Variants in BBX observed in about 807,000 individuals in gnomAD.
BBX encodes BBX high mobility group box domain containing.
Under a neutral mutation model 100.2 loss-of-function variants are expected in BBX, and 30 were observed. The observed-to-expected ratio is 0.30, with a 90% CI of 0.22 to 0.41. The LOEUF (loss-of-function observed/expected upper bound fraction) is 0.41. BBX is among the 10% of genes least tolerant of loss of function. BBX has a pLI of 1.00. For synonymous variants in BBX, 376 were observed against 388.1 expected (o/e 0.97, Z 0.37); for missense variants, 1,023 against 1,129.8 (o/e 0.91, Z 1.35).
chr3:107,695,767 T>G (rs377503486), intron 3 of BBX, among the ~76,000 whole-genome samples: 1 of 151,148 alleles, frequency 6.6e-6, no homozygotes, highest in Non-Finnish European at 1.5e-5. Flanking sequence ...CTTTCTGTCT[T>G]GTTGATCTGT....
intron 3 of BBX, among the ~76,000 whole-genome samples, chr3:107,686,675 G>C (rs2059867623): frequency 1.3e-5 from 2 of 152,136 alleles, no homozygotes; most frequent in East Asian, 3.9e-4. Flanking sequence ...CAGTGTTCCA[G>C]GTAGTTCTTC....
At chr3:107,750,659 T>A (rs1468934371) in intron 9 of BBX, among the ~76,000 whole-genome samples, 1 of 152,224 alleles carries the variant, frequency 6.6e-6, no homozygotes, top group Non-Finnish European at 1.5e-5. Context: ...TCTTACAATC[T>A]GACCATATTG....
intron 3 of BBX, among the ~76,000 whole-genome samples, chr3:107,668,564 T>TAAGAA (rs1172943738): frequency 2.0e-5 from 3 of 152,200 alleles, no homozygotes; most frequent in Non-Finnish European, 4.4e-5. Context: ...ACTCTGGACC[T>TAAGAA]AAGAAAGTTC....
intron 2 of BBX, among the ~76,000 whole-genome samples, chr3:107,619,521 A>G (rs1025422221): frequency 4.6e-5 from 7 of 151,862 alleles, no homozygotes; most frequent in African/African-American, 9.7e-5. Context: ...ATATTTACCC[A>G]TATTTTTGTT....
intron 10 of BBX, among the ~76,000 whole-genome samples, chr3:107,759,646 C>T (rs1021136673): frequency 2.6e-5 from 4 of 152,104 alleles, no homozygotes; most frequent in Non-Finnish European, 4.4e-5. Flanking sequence ...TTCATTTATT[C>T]TCACAGTAGT....
chr3:107,768,099 G>A lies in BBX; in HGVS notation c.907-4529G>A, dbSNP rs369108380. Among the ~76,000 whole-genome samples the A allele has an allele frequency of 7.2e-5, 11 of 152,232 alleles. No individual in the cohort carries two copies. In the East Asian group the frequency reaches 9.6e-4, roughly 13 times the overall value. On this transcript the variant is annotated intron_variant, in intron 10 of 17. Coordinates refer to ENST00000325805, the MANE Select transcript of BBX (RefSeq NM_001142568.3). ...TTCTGCTGTCACTAACCCCTGTGTT[G>A]CGTCACCGCCTCCTGTTTGGGTGTC...
At chr3:107,601,866 G>A (rs372568550) in intron 2 of BBX, among the ~76,000 whole-genome samples, 20 of 152,334 alleles carry the variant, frequency 1.3e-4, no homozygotes, top group African/African-American at 4.6e-4. Flanking sequence ...GATTTTCACA[G>A]CTAGAGAGAA....
chr3:107,569,708 T>C (rs901378907), intron 2 of BBX, among the ~76,000 whole-genome samples: 1 of 152,212 alleles, frequency 6.6e-6, no homozygotes, highest in Non-Finnish European at 1.5e-5. Flanking sequence ...TTTAAGAGGT[T>C]TAGAAGCCTG....
chr3:107,659,731 T>G lies in BBX; in HGVS notation c.-10+13822T>G, dbSNP rs774616014. 1.0e-5 allele frequency: 13 copies of G among 1,284,094 alleles called. No individual in the cohort carries two copies. The South Asian group carries it at 1.6e-4, about 16-fold the overall frequency. 79.5% of individuals were successfully genotyped at this position (1,284,094 alleles called of 1,614,324 possible). On this transcript the variant is annotated intron_variant, in intron 3 of 17. Coordinates refer to ENST00000325805, the MANE Select transcript of BBX (RefSeq NM_001142568.3). ...ATTATCCTCACATGTTTGGGTATCC[T>G]TTTACATTCATGTGCATGAATGCAC... is the stretch of plus-strand genomic sequence containing the variant.
At chr3:107,722,552 A>G (rs1381540306) in intron 5 of BBX, among the ~76,000 whole-genome samples, 2 of 151,990 alleles carry the variant, frequency 1.3e-5, no homozygotes, top group Non-Finnish European at 2.9e-5. Flanking sequence ...CCTTGCTTTC[A>G]AATTTTCATT....
intron 2 of BBX, among the ~76,000 whole-genome samples, chr3:107,629,708 C>G (rs916357278): frequency 4.6e-5 from 7 of 152,104 alleles, no homozygotes; most frequent in Non-Finnish European, 7.4e-5. Flanking sequence ...CCTCTTGCAG[C>G]CACAGAATGC....
Position 107,716,766 on chromosome 3 carries a change from C to G in BBX, c.322C>G (p.Arg108Gly). 1 of 1,613,704 alleles carries G rather than the reference C, an allele frequency of 6.2e-7. No individual in the cohort carries two copies. Among genetic ancestry groups the G allele is most frequent in the South Asian group, 1.1e-5 (1 of 91,056 alleles). Residue 108 changes from arginine (R) to glycine (G), a missense_variant, in exon 5 of 18, where the codon CGA becomes GGA. Physicochemically the swap from Arg to Gly is moderately radical, Grantham distance 125. Around this residue, in one of 9 missense-constraint regions of BBX, gnomAD observed 229 missense variants for 226.3 expected, o/e 1.01. Transcript: ENST00000325805. ...TCAGGAACACCCCAGGCTTGATAACCGAGGTGCTACCAAGATACTAGCTGA... is the reference window on the plus strand; with the variant it reads ...TCAGGAACACCCCAGGCTTGATAACGGAGGTGCTACCAAGATACTAGCTGA... Reference protein sequence around the residue: ...VRQEHPRLDNRGATKILADWW... With the variant: ...VRQEHPRLDNGGATKILADWW...
intron 2 of BBX, among the ~76,000 whole-genome samples, chr3:107,532,679 G>C (rs1018144923): frequency 2.6e-5 from 4 of 152,054 alleles, no homozygotes; most frequent in Admixed American, 1.3e-4. Context: ...CAGGTATCAG[G>C]GTTTTCAAAT....
chr3:107,744,727 G>T lies in BBX; in HGVS notation c.750+17G>T, dbSNP rs1238491675. 6.3e-7 allele frequency: 1 copy of T among 1,592,182 alleles called. No homozygotes were observed. Among genetic ancestry groups the T allele is most frequent in the Non-Finnish European group, 8.6e-7 (1 of 1,160,436 alleles). On this transcript the variant is annotated intron_variant, in intron 8 of 17. Transcript: ENST00000325805. Reference sequence around the variant, plus strand: ...TTTGCCGAGGTAATATATTACAATTGATACTTAACTAATGAGGAAATTGTA... The same window carrying T: ...TTTGCCGAGGTAATATATTACAATTTATACTTAACTAATGAGGAAATTGTA...
chr3:107,583,952 ATAT>A (rs1217955870), intron 2 of BBX, among the ~76,000 whole-genome samples: 1 of 64,878 alleles, frequency 1.5e-5, no homozygotes, highest in African/African-American at 7.2e-5. Context: ...ATATATTATT[ATAT>A]TATATATATT....
intron 13 of BBX, among the ~76,000 whole-genome samples, chr3:107,786,275 T>C (rs1487820318): frequency 6.6e-6 from 1 of 152,118 alleles, no homozygotes; most frequent in East Asian, 1.9e-4. Flanking sequence ...CCAACCCCTC[T>C]TAGAATCCCA....
intron 9 of BBX, among the ~76,000 whole-genome samples, chr3:107,755,058 T>C (rs893453365): frequency 2.0e-5 from 3 of 152,228 alleles, no homozygotes; most frequent in Non-Finnish European, 4.4e-5. Context: ...TATCAGTCTT[T>C]GCATGTACAT....
At chr3:107,737,962 T>A (rs2063777129) in intron 7 of BBX, among the ~76,000 whole-genome samples, 1 of 124,304 alleles carries the variant, frequency 8.0e-6, no homozygotes, top group African/African-American at 2.9e-5. Context: ...ATCCAAAAAA[T>A]TGAGATCTGA....
chr3:107,697,954 G>C (rs528882144), intron 3 of BBX, among the ~76,000 whole-genome samples: 1 of 151,910 alleles, frequency 6.6e-6, no homozygotes, highest in South Asian at 2.1e-4. Context: ...GGAGTGACCC[G>C]ATTTTCCAGG....
Sources: allele counts gnomAD v4.1 joint callset (sites outside exome capture counted in the v4.1 genomes callset), GRCh38; gene constraint gnomAD v4.1.1; regional missense constraint gnomAD v4.1.1; transcripts MANE v1.5; gene names NCBI Gene and HGNC (gene_info 2026-07-23, HGNC 2026-07-21).